CDH1: variants seen among roughly 807,000 people sequenced by gnomAD.
CDH1 encodes the protein cadherin 1.
Under a neutral mutation model 84.5 loss-of-function variants are expected in CDH1, and 35 were observed. That is an observed-to-expected ratio of 0.41 (90% confidence interval 0.32 to 0.55). CDH1 has a LOEUF of 0.55. Ranked by LOEUF, CDH1 falls within the 20% of genes least tolerant of loss-of-function variation. The pLI, the probability that CDH1 is intolerant of heterozygous loss-of-function variation, is 0.19. For missense variants in CDH1, 994 were observed against 1,126.6 expected, an observed-to-expected ratio of 0.88 and a Z score of 1.68; for synonymous variants, 417 against 439.0, an observed-to-expected ratio of 0.95 and a Z score of 0.63.
At chr16:68,749,268 G>A (rs1369804926) in intron 2 of CDH1, among the ~76,000 whole-genome samples, 1 of 152,230 alleles carries the variant, frequency 6.6e-6, no homozygotes, top group Admixed American at 6.5e-5. Context: ...ACAATTCAGG[G>A]GAGGAAAATT....
rs1567518997 is a variant in CDH1, at chr16:68,835,470, CAATT to C, written c.*1972_*1975del. On this transcript the variant is annotated 3_prime_UTR_variant, in exon 16 of 16. Transcript: ENST00000261769. The stretch of plus-strand genomic sequence containing the variant: ...TTTCTTTGGGGGTGGAAAAGGAAAA[CAATT>C]CAAGCTGAGAAAAGTATTCTCAAAG... 3 of 209,064 alleles carry C rather than the reference CAATT, an allele frequency of 1.4e-5. No homozygotes were observed. The highest frequency in any genetic ancestry group is 1.4e-4 in the East Asian group (2 of 13,874). 13.0% of individuals were successfully genotyped at this position (209,064 alleles called of 1,614,324 possible). A position where few individuals can be genotyped will look rare whatever the true frequency, so the allele number is the denominator to read the frequency against.
intron 2 of CDH1, among the ~76,000 whole-genome samples, chr16:68,779,572 T>C (rs891356583): frequency 6.6e-6 from 1 of 152,078 alleles, no homozygotes; most frequent in Non-Finnish European, 1.5e-5. Context: ...AACTGAGGGG[T>C]TGGCCGGGCA....
At chr16:68,785,884 C>T (rs559497117) in intron 2 of CDH1, among the ~76,000 whole-genome samples, 23 of 152,314 alleles carry the variant, frequency 1.5e-4, no homozygotes, top group South Asian at 8.3e-4. Context: ...CTTTTACATA[C>T]GTCATTTTTG....
At chr16:68,812,014 A>T in intron 7 of CDH1, 121 bp from the exon 8 acceptor site, 1 of 1,523,622 alleles carries the variant, frequency 6.6e-7, no homozygotes. Flanking sequence ...CCGTGCCTAG[A>T]AGACAGGCAG....
intron 2 of CDH1, among the ~76,000 whole-genome samples, chr16:68,739,178 G>T (rs988162644): frequency 1.3e-5 from 2 of 151,808 alleles, no homozygotes; most frequent in African/African-American, 4.8e-5. Flanking sequence ...ACTTTGGGAG[G>T]CCGAGGTGGG....
At chr16:68,803,973 G>A (rs7190460) in intron 3 of CDH1, among the ~76,000 whole-genome samples, 4,267 of 151,766 alleles carry the variant, frequency 0.028, 196 homozygotes, top group African/African-American at 0.097. Flanking sequence ...AGGAGACCTC[G>A]TGATCCCAGA....
Position 68,800,554 on chromosome 16 carries a change from C to T in CDH1, c.164-1116C>T, listed in dbSNP as rs147063677. On this transcript the variant is annotated intron_variant, in intron 2 of 15. Coordinates refer to ENST00000261769, the MANE Select transcript of CDH1 (RefSeq NM_004360.5). ...TCCTGTCTAGCCTTGTAAGATAGGA[C>T]GGCAGGAATTTTTATAAAAGAGAAC... Among the ~76,000 whole-genome samples, 737 of 152,226 alleles carry T rather than the reference C, an allele frequency of 4.8e-3. 8 individuals carry two copies. Among genetic ancestry groups the T allele is most frequent in the African/African-American group, 0.014 (579 of 41,542 alleles).
At chr16:68,810,154 C>G (rs1960777696) in intron 5 of CDH1, 43 bp from the exon 6 acceptor site, 1 of 1,612,608 alleles carries the variant, frequency 6.2e-7, no homozygotes, top group Admixed American at 1.7e-5. Flanking sequence ...CCCATGTTTT[C>G]TTCCTCATCA....
At chr16:68,764,263 C>G (rs184211824) in intron 2 of CDH1, among the ~76,000 whole-genome samples, 5 of 152,230 alleles carry the variant, frequency 3.3e-5, no homozygotes, top group Non-Finnish European at 5.9e-5. Flanking sequence ...AGGGCTAACT[C>G]TGAGTGGAAT....
intron 2 of CDH1, among the ~76,000 whole-genome samples, chr16:68,781,919 C>T (rs917337102): frequency 2.0e-5 from 3 of 152,150 alleles, no homozygotes; most frequent in African/African-American, 7.2e-5. Context: ...CAAACCTTGG[C>T]TCAAATCCTA....
chr16:68,798,080 A>G (rs1450618660), intron 2 of CDH1, among the ~76,000 whole-genome samples: 1 of 82,702 alleles, frequency 1.2e-5, no homozygotes, highest in Non-Finnish European at 3.0e-5. Context: ...CTCTGTCTCA[A>G]AAAAAAAAAA....
chr16:68,819,619 G>A (rs140076463), intron 11 of CDH1, among the ~76,000 whole-genome samples, 194 bp downstream of exon 11: 1 of 152,088 alleles, frequency 6.6e-6, no homozygotes, highest in African/African-American at 2.4e-5. Flanking sequence ...TAAAGTCAGG[G>A]CTTTTAGGGT....
intron 2 of CDH1, among the ~76,000 whole-genome samples, chr16:68,801,158 C>T (rs561143565): frequency 6.6e-6 from 1 of 152,322 alleles, no homozygotes; most frequent in East Asian, 1.9e-4. Context: ...GTTGCCCAGG[C>T]TGGAGTGCAG....
intron 15 of CDH1, 82 bp from the exon 16 acceptor site, chr16:68,833,208 T>C (rs763298919): frequency 1.4e-5 from 17 of 1,222,970 alleles, no homozygotes; most frequent in Non-Finnish European, 1.9e-5. Context: ...TGTCGTACCT[T>C]ACATATTGCT....
chr16:68,755,282 C>CAAAATAAA, intron 2 of CDH1, among the ~76,000 whole-genome samples: 1 of 96,054 alleles, frequency 1.0e-5, no homozygotes, highest in Non-Finnish European at 2.1e-5. Context: ...GACTCTGTCT[C>CAAAATAAA]AAAAAAAAAA....
chr16:68,765,626 A>C (rs992442255), intron 2 of CDH1: 4 of 151,944 alleles, frequency 2.6e-5, no homozygotes, highest in Admixed American at 1.3e-4. Context: ...GGGGCAATTA[A>C]TCATGAACCT....
chr16:68,794,906 A>C lies in CDH1; in HGVS notation c.164-6764A>C, dbSNP rs546862244. Among the ~76,000 whole-genome samples, 1,102 of 149,404 alleles carry C rather than the reference A, an allele frequency of 7.4e-3. 16 individuals are homozygous for C. Among genetic ancestry groups the C allele is most frequent in the African/African-American group, 0.026 (1,052 of 40,496 alleles). On this transcript the variant is annotated intron_variant, in intron 2 of 15. Coordinates refer to ENST00000261769, the MANE Select transcript of CDH1 (RefSeq NM_004360.5). ...ACGGGGTTTCACCGTGTTAGCCAGG[A>C]TGGTCTCGATCTCCTGACCTTGTGA...
chr16:68,767,336 A>G (rs1175121847), intron 2 of CDH1, among the ~76,000 whole-genome samples: 1 of 152,070 alleles, frequency 6.6e-6, no homozygotes, highest in Non-Finnish European at 1.5e-5. Flanking sequence ...CTGGGATTAC[A>G]GGGGTGTGCC....
intron 2 of CDH1, among the ~76,000 whole-genome samples, chr16:68,774,180 C>G (rs182442798): frequency 1.3e-5 from 2 of 152,316 alleles, no homozygotes; most frequent in Admixed American, 1.3e-4. Flanking sequence ...TCCTAAAGTG[C>G]TGGAATTACA....
Sources: allele counts gnomAD v4.1 joint callset (sites outside exome capture counted in the v4.1 genomes callset), GRCh38; gene constraint gnomAD v4.1.1; transcripts MANE v1.5; gene names NCBI Gene and HGNC (gene_info 2026-07-23, HGNC 2026-07-21).